The following SOX5 variants were observed in gnomAD, a reference collection of about 807,000 sequenced individuals.
SOX5 encodes the protein SRY-box transcription factor 5.
SOX5 carries 9 observed loss-of-function variants against 92.0 expected under a neutral mutation model. The ratio of observed to expected loss-of-function variants is 0.10; its 90% CI spans 0.06 to 0.17. The LOEUF is 0.17. SOX5 is among the 10% of genes least tolerant of loss of function. The pLI is 1.00. For missense variants in SOX5, 642 were observed against 944.5 expected, an observed-to-expected ratio of 0.68 and a Z score of 4.20; for synonymous variants, 344 against 336.3, an observed-to-expected ratio of 1.02 and a Z score of -0.25.
At chr12:24,472,580 A>G (rs1480177394) in intron 1 of SOX5, among the ~76,000 whole-genome samples, 1 of 152,172 alleles carries the variant, frequency 6.6e-6, no homozygotes, top group Non-Finnish European at 1.5e-5. Flanking sequence ...AAGGCCCCCA[A>G]ATGGTTAACA....
rs114780926 is a variant in SOX5 at position 24,306,393 on chromosome 12, C to T, written c.-173-29081G>A. On this transcript the variant is annotated intron_variant, in intron 2 of 4. Coordinates refer to the SOX5 transcript ENST00000446891. Reference sequence around the variant, plus strand: ...GGCCCTCAATCTATGATTCTGCCACCGAAGTGTGGACTGGGGTCATGCAAA... The same window carrying T: ...GGCCCTCAATCTATGATTCTGCCACTGAAGTGTGGACTGGGGTCATGCAAA... 1.6e-3 allele frequency among the ~76,000 whole-genome samples: 238 copies of T among 152,282 alleles called. 1 individual carries two copies. Among genetic ancestry groups the T allele is most frequent in the African/African-American group, 5.6e-3 (231 of 41,554 alleles).
intron 9 of SOX5, among the ~76,000 whole-genome samples, chr12:23,598,802 A>T (rs1952937851): frequency 6.6e-6 from 1 of 152,126 alleles, no homozygotes; most frequent in Non-Finnish European, 1.5e-5. Flanking sequence ...ATTATGCTGT[A>T]TGTGCGGTTT....
intron 1 of SOX5, among the ~76,000 whole-genome samples, chr12:24,439,894 CAATA>C (rs35530047): frequency 1.3e-5 from 2 of 151,952 alleles, no homozygotes; most frequent in East Asian, 3.9e-4. Context: ...GACTCCATCT[CAATA>C]AATAAATAAA....
At chr12:24,432,364 TG>T (rs1412525089) in intron 1 of SOX5, among the ~76,000 whole-genome samples, 1 of 152,198 alleles carries the variant, frequency 6.6e-6, no homozygotes, top group Non-Finnish European at 1.5e-5. Flanking sequence ...GCACAGTGAC[TG>T]TCACGTGAAA....
chr12:23,949,586 C>G lies in SOX5; in HGVS notation c.16G>C (p.Asp6His). 1 of 1,613,804 alleles carries G rather than the reference C, an allele frequency of 6.2e-7. No individual in the cohort carries two copies. ...CACCTTTCAAACTCCTGAGGTAAAT[C>G]AGGGTCAGTAAGCATGCTGGAAAAG... MLTDP[D>H]LPQEFERMSS... The change falls in exon 1 of 15, where the codon GAT becomes CAT. Residue 6 changes from aspartate (D) to histidine (H), a missense_variant. Asp to His is a moderately conservative substitution (Grantham distance 81, BLOSUM62 -1). Transcript: ENST00000451604.
chr12:24,325,184 A>G (rs73064407), intron 2 of SOX5, among the ~76,000 whole-genome samples: 7,801 of 152,104 alleles, frequency 0.051, 269 homozygotes, highest in Non-Finnish European at 0.077. Flanking sequence ...AAGAAAGAGC[A>G]TTAACTGAAC....
At chr12:24,345,330 C>T (rs1437224483) in intron 2 of SOX5, among the ~76,000 whole-genome samples, 1 of 152,314 alleles carries the variant, frequency 6.6e-6, no homozygotes, top group Non-Finnish European at 1.5e-5. Context: ...GGTGACCAAA[C>T]CTTCAAGCCT....
chr12:24,094,860 C>T (rs1467448156), intron 4 of SOX5, among the ~76,000 whole-genome samples: 1 of 152,116 alleles, frequency 6.6e-6, no homozygotes, highest in Admixed American at 6.5e-5. Context: ...CAACTCCACT[C>T]TGTCTAAATC....
chr12:24,090,605 T>A (rs1944526945), intron 4 of SOX5, among the ~76,000 whole-genome samples: 1 of 152,184 alleles, frequency 6.6e-6, no homozygotes, highest in Non-Finnish European at 1.5e-5. Flanking sequence ...TTTCAAATAC[T>A]CAGATTACAG....
chr12:23,553,815 A>G (rs535578974), intron 11 of SOX5, among the ~76,000 whole-genome samples: 72 of 152,250 alleles, frequency 4.7e-4, no homozygotes, highest in African/African-American at 1.7e-3. Context: ...ATTATTCTAT[A>G]AACAATGGGT....
chr12:23,920,713 T>C (rs1937953050), intron 1 of SOX5: 9 of 152,142 alleles, frequency 5.9e-5, no homozygotes, highest in Admixed American at 5.9e-4. Flanking sequence ...AAGAAGTATG[T>C]TAGTGGAGAA....
At chr12:24,213,817 T>C (rs1480786075) in intron 3 of SOX5, among the ~76,000 whole-genome samples, 2 of 152,154 alleles carry the variant, frequency 1.3e-5, no homozygotes, top group East Asian at 3.8e-4. Context: ...ATATGATTAA[T>C]TCAGCCATGT....
At chr12:24,192,214 C>T (rs1178968374) in intron 4 of SOX5, among the ~76,000 whole-genome samples, 1 of 152,188 alleles carries the variant, frequency 6.6e-6, no homozygotes, top group Non-Finnish European at 1.5e-5. Context: ...AATTGAACAA[C>T]AGTTCTTCCG....
At position 24,483,226 on chromosome 12, in the gene SOX5, T is replaced by C. The variant is rs1946184255; in HGVS notation, c.-251+79103A>G. Among the ~76,000 whole-genome samples the C allele has an allele frequency of 1.3e-5, 2 of 152,158 alleles. 1 individual carries two copies. Among genetic ancestry groups the C allele is most frequent in the Admixed American group, 1.3e-4 (2 of 15,280 alleles). On this transcript the variant is annotated intron_variant, in intron 1 of 4. Coordinates refer to the SOX5 transcript ENST00000446891. ...AAAGAAAACTGTGTTTTGAAGATAA[T>C]GTTTCTTTTTATTTTACCCAAAACA... is the stretch of plus-strand genomic sequence containing the variant.
At chr12:23,967,333 A>G (rs545597744) in intron 4 of SOX5, among the ~76,000 whole-genome samples, 5 of 152,270 alleles carry the variant, frequency 3.3e-5, no homozygotes, top group Non-Finnish European at 7.4e-5. Context: ...GAAAAGCTCA[A>G]CTGGTATTTT....
intron 4 of SOX5, among the ~76,000 whole-genome samples, chr12:24,060,351 G>A (rs1469305044): frequency 2.6e-5 from 4 of 152,138 alleles, no homozygotes; most frequent in African/African-American, 9.7e-5. Context: ...GCACCTATGC[G>A]CTTGTACTGC....
intron 1 of SOX5, among the ~76,000 whole-genome samples, chr12:24,447,201 T>C (rs1394201601): frequency 3.9e-5 from 6 of 152,186 alleles, no homozygotes; most frequent in African/African-American, 1.4e-4. Context: ...AGAGTAACTT[T>C]ACACTAGAGA....
intron 2 of SOX5, among the ~76,000 whole-genome samples, chr12:24,300,293 T>G (rs956813684): frequency 6.6e-6 from 1 of 152,214 alleles, no homozygotes; most frequent in African/African-American, 2.4e-5. Flanking sequence ...TAAAGTATAC[T>G]GGAATTCAGC....
intron 5 of SOX5, among the ~76,000 whole-genome samples, chr12:23,736,457 G>A (rs566733335): frequency 8.4e-4 from 128 of 151,708 alleles, no homozygotes; most frequent in African/African-American, 2.6e-3. Context: ...GCGAGACTCC[G>A]TCTCAGAAAT....
Sources: allele counts gnomAD v4.1 joint callset (sites outside exome capture counted in the v4.1 genomes callset), GRCh38; gene constraint gnomAD v4.1.1; transcripts MANE v1.5; gene names NCBI Gene and HGNC (gene_info 2026-07-23, HGNC 2026-07-21).